The following CMSS1 variants were observed in gnomAD, a reference collection of about 807,000 sequenced individuals.
CMSS1 encodes the protein protein CMSS1.
Under a neutral mutation model 43.5 loss-of-function variants are expected in CMSS1, and 33 were observed. The observed-to-expected ratio is 0.76, with a 90% CI of 0.57 to 1.01. The LOEUF is 1.01. CMSS1 is among the 50% of genes least tolerant of loss of function. The pLI, the probability that CMSS1 is intolerant of heterozygous loss-of-function variation, is 0.00. For synonymous variants in CMSS1, 115 were observed against 117.2 expected, an observed-to-expected ratio of 0.98 and a Z score of 0.12; for missense variants, 313 against 326.4, an observed-to-expected ratio of 0.96 and a Z score of 0.32.
intron 1 of CMSS1, among the ~76,000 whole-genome samples, chr3:100,018,052 G>A (rs901513200): frequency 3.9e-5 from 6 of 152,184 alleles, no homozygotes; most frequent in African/African-American, 1.4e-4. Context: ...GTGAAGGCTA[G>A]GTCCAGGGGC....
At chr3:99,927,383 T>C (rs1273305685) in intron 1 of CMSS1, among the ~76,000 whole-genome samples, 1 of 151,858 alleles carries the variant, frequency 6.6e-6, no homozygotes, top group Non-Finnish European at 1.5e-5. Flanking sequence ...TTTTTTTTTT[T>C]TTTGAGACGG....
chr3:100,080,679 T>C (rs532487422), intron 1 of CMSS1, among the ~76,000 whole-genome samples: 44 of 152,352 alleles, frequency 2.9e-4, no homozygotes, highest in African/African-American at 1.1e-3. Flanking sequence ...AAAGACTTAA[T>C]GTGGGTTTGT....
Position 100,178,366 on chromosome 3 carries a change from C to T in CMSS1, c.818C>T (p.Ser273Phe), listed in dbSNP as rs1347734793. Residue 273 changes from serine to phenylalanine, a missense_variant, in exon 10 of 10, where the codon TCC (serine) becomes TTC (phenylalanine). Coordinates refer to ENST00000421999, the MANE Select transcript of CMSS1 (RefSeq NM_032359.4). ...MGVLSLCKSE[S>F]LKLGLF is the part of the protein sequence containing the mutation. ...GTGCTCAGTCTGTGCAAGTCAGAAT[C>T]CTTGAAACTGGGCCTTTTCTAAGTC... is the stretch of plus-strand genomic sequence containing the variant. 1.9e-6 allele frequency: 3 copies of T among 1,612,182 alleles called. No individual in the cohort carries two copies. Among genetic ancestry groups the T allele is most frequent in the Non-Finnish European group, 2.5e-6 (3 of 1,178,428 alleles).
At chr3:99,923,885 C>T (rs115039848) in intron 1 of CMSS1, among the ~76,000 whole-genome samples, 136 of 152,314 alleles carry the variant, frequency 8.9e-4, no homozygotes, top group Admixed American at 1.4e-3. Context: ...GTTCTTTTCT[C>T]ACTTCTATAC....
rs138822655 is a variant in CMSS1 at position 100,073,431 on chromosome 3, A to T, written c.65-73542A>T. Among the ~76,000 whole-genome samples, 371 of 152,334 alleles carry T rather than the reference A, an allele frequency of 2.4e-3. 1 individual carries two copies. Among genetic ancestry groups the T allele is most frequent in the African/African-American group, 8.4e-3 (349 of 41,582 alleles). On this transcript the variant is annotated intron_variant, in intron 1 of 9. Transcript: ENST00000421999. The stretch of plus-strand genomic sequence containing the variant: ...TGAAAGTATACATTTAAATACAAAT[A>T]GAGTAAATGTTGTCTGCAGCTTCCT...
intron 1 of CMSS1, among the ~76,000 whole-genome samples, chr3:99,876,688 C>T (rs1705544031): frequency 6.6e-6 from 1 of 152,138 alleles, no homozygotes; most frequent in Admixed American, 6.5e-5. Context: ...TAGGGGTCCT[C>T]AGAGGATGGT....
chr3:99,855,092 T>C (rs549580269), intron 1 of CMSS1, among the ~76,000 whole-genome samples: 23 of 152,324 alleles, frequency 1.5e-4, no homozygotes, highest in Non-Finnish European at 2.4e-4. Flanking sequence ...GGAAATGGGA[T>C]ACTGTTTGAA....
At chr3:100,154,668 C>A (rs564729937) in intron 2 of CMSS1, among the ~76,000 whole-genome samples, 2 of 152,250 alleles carry the variant, frequency 1.3e-5, no homozygotes, top group African/African-American at 4.8e-5. Flanking sequence ...AATAATCATA[C>A]ATATATTTTT....
chr3:99,836,477 G>A (rs1942900037), intron 1 of CMSS1, among the ~76,000 whole-genome samples: 1 of 152,152 alleles, frequency 6.6e-6, no homozygotes, highest in Non-Finnish European at 1.5e-5. Context: ...GTTGCTTTGA[G>A]GATCGTGGTA....
At chr3:100,061,953 A>T (rs2065573884) in intron 1 of CMSS1, among the ~76,000 whole-genome samples, 1 of 152,078 alleles carries the variant, frequency 6.6e-6, no homozygotes, top group Admixed American at 6.6e-5. Flanking sequence ...GAACATTCAC[A>T]TTGTTATGCA....
intron 1 of CMSS1, among the ~76,000 whole-genome samples, chr3:99,892,555 C>G (rs1269790695): frequency 1.3e-5 from 2 of 152,198 alleles, no homozygotes; most frequent in Non-Finnish European, 2.9e-5. Flanking sequence ...GCTTTGATCT[C>G]TTCCCTTTGA....
chr3:99,858,371 A>C (rs1944077161), intron 1 of CMSS1, among the ~76,000 whole-genome samples: 1 of 152,160 alleles, frequency 6.6e-6, no homozygotes, highest in Non-Finnish European at 1.5e-5. Context: ...AGGCTGAGGC[A>C]GGAGAATTGC....
chr3:100,016,767 A>G (rs1444148631), intron 1 of CMSS1, among the ~76,000 whole-genome samples: 1 of 152,206 alleles, frequency 6.6e-6, no homozygotes, highest in Non-Finnish European at 1.5e-5. Flanking sequence ...GATATGTGCA[A>G]AGTTGCTATA....
intron 1 of CMSS1, among the ~76,000 whole-genome samples, chr3:100,135,518 C>G (rs1189361560): frequency 6.6e-6 from 1 of 150,648 alleles, no homozygotes; most frequent in Non-Finnish European, 1.5e-5. Context: ...TGCTCTGTCA[C>G]CCAGGCCTGG....
At chr3:100,035,464 G>C (rs943067668) in intron 1 of CMSS1, among the ~76,000 whole-genome samples, 1 of 152,052 alleles carries the variant, frequency 6.6e-6, no homozygotes, top group Non-Finnish European at 1.5e-5. Context: ...GTAGAGACAG[G>C]GTTTCACCAT....
chr3:99,839,248 A>G (rs1219503868), intron 1 of CMSS1, among the ~76,000 whole-genome samples: 1 of 152,120 alleles, frequency 6.6e-6, no homozygotes, highest in Non-Finnish European at 1.5e-5. Flanking sequence ...TTGAGCTCTT[A>G]GTTACCTTTT....
At chr3:100,009,647 C>G (rs1251929648) in intron 1 of CMSS1, among the ~76,000 whole-genome samples, 1 of 152,146 alleles carries the variant, frequency 6.6e-6, no homozygotes, top group African/African-American at 2.4e-5. Context: ...GCCAAAACAT[C>G]TAAGTGTTAA....
intron 1 of CMSS1, among the ~76,000 whole-genome samples, chr3:100,047,830 GA>G (rs933079847): frequency 1.6e-4 from 23 of 147,128 alleles, no homozygotes; most frequent in African/African-American, 3.2e-4. Context: ...GAAGGCATTT[GA>G]AAAAAAAAAG....
At chr3:99,926,880 A>G (rs1707309053) in intron 1 of CMSS1, among the ~76,000 whole-genome samples, 1 of 152,170 alleles carries the variant, frequency 6.6e-6, no homozygotes, top group African/African-American at 2.4e-5. Flanking sequence ...CGTGCCCTTC[A>G]TTTATTCCAT....
Sources: allele counts gnomAD v4.1 joint callset (sites outside exome capture counted in the v4.1 genomes callset), GRCh38; gene constraint gnomAD v4.1.1; transcripts MANE v1.5; gene names NCBI Gene and HGNC (gene_info 2026-07-23, HGNC 2026-07-21).